PCDH1: variants seen among roughly 807,000 people sequenced by gnomAD.
The protein encoded by PCDH1 is protocadherin-1.
PCDH1 carries 23 observed loss-of-function variants against 74.6 expected under a neutral mutation model. That is an observed-to-expected ratio of 0.31 (90% CI 0.22 to 0.44). The LOEUF (loss-of-function observed/expected upper bound fraction) is 0.44. PCDH1 is among the 20% of genes least tolerant of loss of function. The pLI is 1.00. For missense variants in PCDH1, 1,214 were observed against 1,641.4 expected, an observed-to-expected ratio of 0.74 and a Z score of 4.50; for synonymous variants, 647 against 686.1, an observed-to-expected ratio of 0.94 and a Z score of 0.89.
chr5:141,870,857 C>T (rs1753075334), intron 1 of PCDH1, among the ~76,000 whole-genome samples: 1 of 152,116 alleles, frequency 6.6e-6, no homozygotes, highest in African/African-American at 2.4e-5. Flanking sequence ...GCTTCTGGTT[C>T]AGTCTCCTTT....
intron 1 of PCDH1, among the ~76,000 whole-genome samples, chr5:141,871,508 A>G (rs1052605168): frequency 3.3e-5 from 5 of 152,232 alleles, no homozygotes; most frequent in Admixed American, 6.5e-5. Flanking sequence ...TGAAGCAAAG[A>G]TTTAGTGCCT....
chr5:141,860,280 AG>A (rs1752513227), intron 3 of PCDH1, among the ~76,000 whole-genome samples: 2 of 152,102 alleles, frequency 1.3e-5, no homozygotes, highest in African/African-American at 4.8e-5. Flanking sequence ...TGGGAGGCTG[AG>A]GTGGGCAGAT....
chr5:141,866,711 C>T (rs999726116), intron 2 of PCDH1, among the ~76,000 whole-genome samples: 1 of 152,160 alleles, frequency 6.6e-6, no homozygotes, highest in South Asian at 2.1e-4. Context: ...AATAATGTAA[C>T]CTATTTCACA....
chr5:141,873,649 G>A (rs1183051442), intron 1 of PCDH1, among the ~76,000 whole-genome samples: 4 of 147,290 alleles, frequency 2.7e-5, no homozygotes, highest in Admixed American at 6.8e-5. Context: ...TAGTAGAGAC[G>A]GGGTTTCACC....
At chr5:141,866,169 G>A (rs1270515177) in intron 2 of PCDH1, 5 of 985,372 alleles carry the variant, frequency 5.1e-6, no homozygotes, top group Non-Finnish European at 6.0e-6. Context: ...CCCAGCCACC[G>A]CTCTGTCAAA....
In PCDH1 at chr5:141,863,887, G is replaced by A. The variant is rs780499912; in HGVS notation, c.2444C>T (p.Thr815Ile). 6.2e-7 allele frequency: 1 copy of A among 1,614,058 alleles called. No homozygotes were observed. The highest frequency in any genetic ancestry group is 8.5e-7 in the Non-Finnish European group (1 of 1,180,026). The change falls in exon 3 of 5, where the codon ACT (threonine) becomes ATT (isoleucine). Residue 815 changes from threonine (T) to isoleucine (I), a missense_variant. Physicochemically the swap from Thr to Ile is moderately conservative, Grantham distance 89. Transcript: ENST00000287008. This position sits in a 1 kb window ranked among gnomAD's most constrained non-coding sequence, Gnocchi z 7.5. The part of the protein sequence containing the change: ...TALVHLYVNE[T>I]LANRTLLETL... ...CTCCAGCAGCGTGCGGTTGGCCAGA[G>A]TCTCATTGACATAAAGATGGACCAA...
Position 141,863,123 on chromosome 5 carries a change from G to T in PCDH1, c.3099+109C>A. 7.0e-7 allele frequency: 1 copy of T among 1,424,508 alleles called. No individual in the cohort carries two copies. The highest frequency in any genetic ancestry group is 2.4e-5 in the East Asian group (1 of 41,546). 88.2% of individuals were successfully genotyped at this position (1,424,508 alleles called of 1,614,324 possible). A position where few individuals can be genotyped will look rare whatever the true frequency, so the allele number is the denominator to read the frequency against. ...GCTGGCTCAGGCTGGCCCCCAACAC[G>T]GGCAGGCACAGTAAACCTGCTCCAT... On this transcript the variant is annotated intron_variant, in intron 3 of 4. Coordinates refer to ENST00000287008, the MANE Select transcript of PCDH1 (RefSeq NM_032420.5). This position sits in a 1 kb window ranked among gnomAD's most constrained non-coding sequence, Gnocchi z 7.5.
At chr5:141,874,418 C>T (rs1479229752) in intron 1 of PCDH1, among the ~76,000 whole-genome samples, 1 of 152,194 alleles carries the variant, frequency 6.6e-6, no homozygotes, top group Non-Finnish European at 1.5e-5. Context: ...TCCTGGGCAA[C>T]GGTGCCCTAC....
chr5:141,857,833 C>T (rs1407414063), intron 3 of PCDH1, among the ~76,000 whole-genome samples: 1 of 152,332 alleles, frequency 6.6e-6, no homozygotes, highest in East Asian at 1.9e-4. Context: ...CACAGCCTCC[C>T]TTTAATCCCA....
At chr5:141,870,356 G>C in intron 1 of PCDH1, among the ~76,000 whole-genome samples, 1 of 152,296 alleles carries the variant, frequency 6.6e-6, no homozygotes, top group Middle Eastern at 3.4e-3. Context: ...GCTGCCATGG[G>C]CAGGTGCGTA....
chr5:141,874,840 G>T (rs150882093), intron 1 of PCDH1, among the ~76,000 whole-genome samples: 5 of 152,236 alleles, frequency 3.3e-5, no homozygotes, highest in African/African-American at 1.2e-4. Context: ...GGACTGTCGC[G>T]GGGAGAGGGG....
intron 4 of PCDH1, chr5:141,856,387 G>A (rs1051483260): frequency 2.5e-6 from 2 of 793,770 alleles, no homozygotes; most frequent in African/African-American, 3.4e-5. Flanking sequence ...GTTAGACAAG[G>A]GCCCTGTGCC....
intron 4 of PCDH1, among the ~76,000 whole-genome samples, 175 bp from the exon 5 acceptor site, chr5:141,854,611 C>A (rs1752255952): frequency 1.3e-5 from 2 of 152,092 alleles, no homozygotes; most frequent in South Asian, 4.1e-4. Flanking sequence ...CTCCCACCAT[C>A]GACCTACTGG....
Position 141,868,533 on chromosome 5 carries a change from G to A in PCDH1, c.903+36C>T. The A allele has an allele frequency of 6.6e-7, 1 of 1,514,110 alleles. No homozygotes were observed. The highest frequency in any genetic ancestry group is 8.8e-7 in the Non-Finnish European group (1 of 1,133,068). 93.8% of individuals were successfully genotyped at this position (1,514,110 alleles called of 1,614,324 possible). A position where few individuals can be genotyped will look rare whatever the true frequency, so the allele number is the denominator to read the frequency against. On this transcript the variant is annotated intron_variant, in intron 2 of 4. Transcript: ENST00000287008. The surrounding 1 kb of genome is among the most constrained non-coding windows in gnomAD (Gnocchi z 4.8). ...GGGTGGGCTCCCATTTCTAGTGGTG[G>A]GTCACCCTGACAGTTATACGGAGGG...
chr5:141,867,424 C>T (rs1353279865), intron 2 of PCDH1: 1 of 347,160 alleles, frequency 2.9e-6, no homozygotes, highest in Non-Finnish European at 5.6e-6. Flanking sequence ...GTTTTCTAAT[C>T]TGTTTGGGCC....
rs748800979 is a variant in PCDH1, at chr5:141,864,654, G to C, written c.1677C>G (p.Pro559=). 63 of 1,613,616 alleles carry C rather than the reference G, an allele frequency of 3.9e-5. 1 individual carries two copies. The highest frequency in any genetic ancestry group is 4.8e-5 in the Non-Finnish European group (57 of 1,179,988). The change falls in exon 3 of 5, where the codon CCC becomes CCG. Residue 559 remains proline, a synonymous_variant. Coordinates refer to ENST00000287008, the MANE Select transcript of PCDH1 (RefSeq NM_032420.5). The surrounding 1 kb of genome is among the most constrained non-coding windows in gnomAD (Gnocchi z 5.9). Reference sequence around the variant, plus strand: ...TCTTCACCTGGATCTCTCCAGTCTCGGGTGAGATGGTGAAGAGGCCCTTAG... The same window carrying C: ...TCTTCACCTGGATCTCTCCAGTCTCCGGTGAGATGGTGAAGAGGCCCTTAG... ...PAAKGLFTIS[P]ETGEIQVKTS... is the part of the protein sequence containing the mutation.
chr5:141,873,293 AT>A (rs548141067), intron 1 of PCDH1, among the ~76,000 whole-genome samples: 13,216 of 123,516 alleles, frequency 0.11, 1,851 homozygotes, highest in African/African-American at 0.35. Context: ...GCCCGGCTAA[AT>A]TTTTTTTTTT....
At chr5:141,876,860 C>G (rs1251452825) in intron 1 of PCDH1, among the ~76,000 whole-genome samples, 2 of 152,178 alleles carry the variant, frequency 1.3e-5, no homozygotes, top group African/African-American at 4.8e-5. Flanking sequence ...GGAAGAGGGT[C>G]GCAATCACCG....
At position 141,865,433 on chromosome 5, in the gene PCDH1, G is replaced by A. The variant is rs1561484137; in HGVS notation, c.904-6C>T. 1 of 1,607,314 alleles carries A rather than the reference G, an allele frequency of 6.2e-7. No homozygotes were observed. The highest frequency in any genetic ancestry group is 8.5e-7 in the Non-Finnish European group (1 of 1,176,766). On this transcript the variant is annotated splice_polypyrimidine_tract_variant and splice_region_variant and intron_variant, in intron 2 of 4. Coordinates refer to ENST00000287008, the MANE Select transcript of PCDH1 (RefSeq NM_032420.5). This position sits in a 1 kb window ranked among gnomAD's most constrained non-coding sequence, Gnocchi z 4.4. Reference sequence around the variant, plus strand: ...TCTGAGTCATTGGCCTTCACCTATAGGGCAGGAGAGAAAAACAAGGAGAAC... The same window carrying A: ...TCTGAGTCATTGGCCTTCACCTATAAGGCAGGAGAGAAAAACAAGGAGAAC...
Sources: gnomAD v4.1 joint callset for allele counts (sites outside exome capture counted in the v4.1 genomes callset) on GRCh38, gnomAD v4.1.1 for gene constraint, Gnocchi (gnomAD v3.1) non-coding constraint, MANE v1.5 for transcripts, NCBI Gene and HGNC (gene_info 2026-07-23, HGNC 2026-07-21) for gene names.